Variants in UACA observed in about 807,000 individuals in gnomAD.
The protein encoded by UACA is uveal autoantigen with coiled-coil domains and ankyrin repeats.
Under a neutral mutation model 160.5 loss-of-function variants are expected in UACA, and 112 were observed. The observed-to-expected ratio is 0.70, with a 90% CI of 0.60 to 0.82. The LOEUF is 0.82. UACA is among the 40% of genes least tolerant of loss of function. The pLI is 0.00. For missense variants in UACA, 1,574 were observed against 1,614.6 expected, an observed-to-expected ratio of 0.97 and a Z score of 0.43; for synonymous variants, 557 against 568.4, an observed-to-expected ratio of 0.98 and a Z score of 0.29.
At chr15:70,676,188 A>G (rs1417074048) in intron 13 of UACA, 1 of 206,566 alleles carries the variant, frequency 4.8e-6, no homozygotes, top group East Asian at 1.1e-4. Context: ...TACTCACTGC[A>G]AATTTACAGG....
At position 70,666,878 on chromosome 15, in the gene UACA, A is replaced by G. The variant is rs899633827; in HGVS notation, c.3806T>C (p.Ile1269Thr). 1.2e-6 allele frequency: 2 copies of G among 1,613,754 alleles called. No homozygotes were observed. Among genetic ancestry groups the G allele is most frequent in the African/African-American group, 2.7e-5 (2 of 74,976 alleles). Residue 1269 changes from isoleucine (I) to threonine (T), a missense_variant, in exon 16 of 19, where the codon ATA (isoleucine) becomes ACA (threonine). Coordinates refer to ENST00000322954, the MANE Select transcript of UACA (RefSeq NM_018003.4). ...EEVLHAKKKE[I>T]SAKDEKELLH... ...TAATTCCTTCTCATCTTTTGCAGAT[A>G]TTTCCTTCTTTTTGGCATGCAAAAC...
At chr15:70,694,909 T>C in intron 3 of UACA, 108 bp downstream of exon 3, 1 of 907,164 alleles carries the variant, frequency 1.1e-6, no homozygotes, top group Non-Finnish European at 1.7e-6. Flanking sequence ...AACAGAAAAT[T>C]GAGGACATCT....
chr15:70,748,587 T>C (rs1899783711), intron 1 of UACA, among the ~76,000 whole-genome samples: 1 of 152,180 alleles, frequency 6.6e-6, no homozygotes, highest in South Asian at 2.1e-4. Context: ...TGCAGTCACA[T>C]GCCTGCACAC....
chr15:70,689,114 TCTC>T (rs1255928143), intron 5 of UACA, among the ~76,000 whole-genome samples: 2 of 152,112 alleles, frequency 1.3e-5, no homozygotes, highest in Non-Finnish European at 2.9e-5. Context: ...CACTAGGCTC[TCTC>T]CTCCTTCCTG....
intron 2 of UACA, among the ~76,000 whole-genome samples, chr15:70,699,225 A>G (rs1367369708): frequency 6.6e-6 from 1 of 152,148 alleles, no homozygotes; most frequent in Non-Finnish European, 1.5e-5. Context: ...TGCTTCAAAG[A>G]GCAAATATGA....
intron 9 of UACA, chr15:70,681,718 G>A (rs753505202): frequency 5.3e-5 from 8 of 152,096 alleles, no homozygotes; most frequent in Non-Finnish European, 1.0e-4. Flanking sequence ...ATGGAAAAGT[G>A]TCAACAGACA....
chr15:70,698,585 A>G (rs1345866594), intron 2 of UACA, among the ~76,000 whole-genome samples: 1 of 152,208 alleles, frequency 6.6e-6, no homozygotes, highest in Non-Finnish European at 1.5e-5. Flanking sequence ...TATCTTTACT[A>G]TATTTAATAC....
intron 1 of UACA, among the ~76,000 whole-genome samples, chr15:70,729,018 T>A (rs1329801129): frequency 6.6e-6 from 1 of 152,182 alleles, no homozygotes; most frequent in African/African-American, 2.4e-5. Flanking sequence ...ATGGCTATTA[T>A]TATAAAGTTA....
At chr15:70,662,092 C>G (rs535784185) in intron 17 of UACA, among the ~76,000 whole-genome samples, 20 of 152,212 alleles carry the variant, frequency 1.3e-4, no homozygotes, top group Non-Finnish European at 2.2e-4. Context: ...CAGATGACAT[C>G]ATTGTATATC....
In UACA at chr15:70,666,729, T is replaced by C. The variant is rs368078785; in HGVS notation, c.3955A>G (p.Asn1319Asp). Residue 1319 changes from asparagine (N) to aspartate (D), a missense_variant, in exon 16 of 19, where the codon AAT becomes GAT. Coordinates refer to ENST00000322954, the MANE Select transcript of UACA (RefSeq NM_018003.4). ...GCAGACTACTTTGTACCTACCTTAT[T>C]ATCTTTTGCTTCTATTTGTTTAGCA... The part of the protein sequence containing the change: ...ESAKQIEAKD[N>D]KITELLNDVE... 1.9e-6 allele frequency: 3 copies of C among 1,602,306 alleles called. No homozygotes were observed. Among genetic ancestry groups the C allele is most frequent in the African/African-American group, 2.7e-5 (2 of 74,230 alleles).
At chr15:70,744,879 T>A (rs539821637) in intron 1 of UACA, among the ~76,000 whole-genome samples, 4 of 152,228 alleles carry the variant, frequency 2.6e-5, no homozygotes, top group African/African-American at 9.6e-5. Context: ...TAGCTATGAG[T>A]GATACCATAG....
chr15:70,690,402 A>T, intron 5 of UACA, 52 bp downstream of exon 5: 14 of 1,510,948 alleles, frequency 9.3e-6, no homozygotes, highest in Non-Finnish European at 1.2e-5. Flanking sequence ...AATTAATTCA[A>T]ATGACTAGAC....
intron 4 of UACA, among the ~76,000 whole-genome samples, chr15:70,690,854 AAT>A (rs915790128): frequency 3.3e-5 from 5 of 152,124 alleles, no homozygotes; most frequent in African/African-American, 4.8e-5. Context: ...AAACTTAGTG[AAT>A]ATGTTTATAA....
In UACA at chr15:70,668,884, C is replaced by A. The variant is rs1278858554; in HGVS notation, c.1800G>T (p.Met600Ile). ...CCTTTCTTCCTTTCTTCTCTCGCTC[C>A]ATTTCACACATACTAAGTTCCTTCT... ...RLQKELSMCE[M>I]EREKKGRKVT... The change falls in exon 16 of 19, where the codon ATG becomes ATT. Residue 600 changes from methionine (M) to isoleucine (I), a missense_variant. Coordinates refer to ENST00000322954, the MANE Select transcript of UACA (RefSeq NM_018003.4). The A allele has an allele frequency of 1.2e-6, 2 of 1,613,400 alleles. No homozygotes were observed. Among genetic ancestry groups the A allele is most frequent in the Non-Finnish European group, 8.5e-7 (1 of 1,179,932 alleles).
intron 1 of UACA, among the ~76,000 whole-genome samples, chr15:70,706,947 C>T (rs907828028): frequency 1.3e-5 from 2 of 152,266 alleles, no homozygotes; most frequent in Admixed American, 6.5e-5. Flanking sequence ...TAAATCCTAA[C>T]ATTCACATGG....
Position 70,695,044 on chromosome 15 carries a change from C to T in UACA, c.274G>A (p.Val92Ile), listed in dbSNP as rs763651305. 5.0e-6 allele frequency: 8 copies of T among 1,610,714 alleles called. No homozygotes were observed. The East Asian group carries it at 1.8e-4, about 36-fold the overall frequency. The change falls in exon 3 of 19, where the codon GTT becomes ATT. Residue 92 changes from valine (V) to isoleucine (I), a missense_variant. By Grantham distance (29) the Val-to-Ile change is conservative. Coordinates refer to ENST00000322954, the MANE Select transcript of UACA (RefSeq NM_018003.4). ...ECLNAILIHGVDITTSDTAGR... is the reference protein window; with the variant it reads ...ECLNAILIHGIDITTSDTAGR... ...GCAGTGTCACTGGTTGTAATATCAACTCCATGTATAAGGATGGCATTCAAA... is the reference window on the plus strand; with the variant it reads ...GCAGTGTCACTGGTTGTAATATCAATTCCATGTATAAGGATGGCATTCAAA...
At chr15:70,758,718 T>C (rs1195311994) in intron 1 of UACA, 1 of 152,232 alleles carries the variant, frequency 6.6e-6, no homozygotes, top group East Asian at 1.9e-4. Flanking sequence ...ACCAGTATTT[T>C]TTCGCAGTGC....
upstream of UACA, among the ~76,000 whole-genome samples, chr15:70,767,795 A>G (rs1190999539): frequency 6.6e-6 from 1 of 152,160 alleles, no homozygotes; most frequent in Non-Finnish European, 1.5e-5. Flanking sequence ...GAAGGGGCCC[A>G]TGACATCAGT....
rs911135501 is a variant in UACA at position 70,761,560 on chromosome 15, G to A, written c.78+1770C>T. ...TGGTTTGGTTTTATTCATCACTACA[G>A]TTTTATTTTAAAATTTTACAGAATT... is the stretch of plus-strand genomic sequence containing the variant. On this transcript the variant is annotated intron_variant, in intron 1 of 18. Transcript: ENST00000322954. Among the ~76,000 whole-genome samples the A allele has an allele frequency of 5.3e-5, 8 of 152,088 alleles. No homozygotes were observed. In the South Asian group the frequency reaches 1.2e-3, roughly 24 times the overall value.
Sources: allele counts gnomAD v4.1 joint callset (sites outside exome capture counted in the v4.1 genomes callset), GRCh38; gene constraint gnomAD v4.1.1; transcripts MANE v1.5; gene names NCBI Gene and HGNC (gene_info 2026-07-23, HGNC 2026-07-21).